The following ENAH variants were observed in gnomAD, a reference collection of about 807,000 sequenced individuals.
ENAH encodes protein enabled homolog.
Under a neutral mutation model 78.7 loss-of-function variants are expected in ENAH, and 23 were observed. The observed-to-expected ratio is 0.29, with a 90% CI of 0.21 to 0.41. The LOEUF is 0.41. Ranked by LOEUF, ENAH falls within the 10% of genes least tolerant of loss-of-function variation. The probability of loss-of-function intolerance (pLI) is 1.00; values close to 1 mark genes in which losing one functional copy is unlikely to be tolerated. For synonymous variants in ENAH, 226 were observed against 241.0 expected (o/e 0.94, Z 0.58); for missense variants, 544 against 691.0 (o/e 0.79, Z 2.39).
chr1:225,509,162 T>A (rs1429363355), intron 10 of ENAH, among the ~76,000 whole-genome samples: 1 of 151,940 alleles, frequency 6.6e-6, no homozygotes, highest in Non-Finnish European at 1.5e-5. Flanking sequence ...ACCAGGAAGA[T>A]CAAATAATCG....
intron 11 of ENAH, among the ~76,000 whole-genome samples, chr1:225,504,649 T>C (rs2096311622): frequency 6.6e-6 from 1 of 152,218 alleles, no homozygotes; most frequent in African/African-American, 2.4e-5. Context: ...TATTAGTCCA[T>C]GTTCCAGTAA....
intron 3 of ENAH, among the ~76,000 whole-genome samples, chr1:225,547,893 A>G: frequency 6.6e-6 from 1 of 152,166 alleles, no homozygotes; most frequent in East Asian, 1.9e-4. Context: ...TCCAGTGAGA[A>G]GGCGGCTCGT....
At chr1:225,565,139 T>C (rs1172492502) in intron 2 of ENAH, among the ~76,000 whole-genome samples, 1 of 152,216 alleles carries the variant, frequency 6.6e-6, no homozygotes, top group African/African-American at 2.4e-5. Context: ...ATTTCCTAGC[T>C]TAAATTTCTT....
At chr1:225,534,156 A>C (rs2096550672) in intron 3 of ENAH, among the ~76,000 whole-genome samples, 1 of 152,130 alleles carries the variant, frequency 6.6e-6, no homozygotes, top group Admixed American at 6.6e-5. Context: ...AGTCCTAATA[A>C]CACAAATATC....
intron 1 of ENAH, among the ~76,000 whole-genome samples, chr1:225,625,040 T>G (rs905631840): frequency 6.8e-6 from 1 of 147,108 alleles, no homozygotes; most frequent in Non-Finnish European, 1.5e-5. Context: ...TGTTCGGAAT[T>G]CCAGTGTCCC....
At chr1:225,625,598 C>T (rs1558928863) in intron 1 of ENAH, among the ~76,000 whole-genome samples, 1 of 152,156 alleles carries the variant, frequency 6.6e-6, no homozygotes, top group Non-Finnish European at 1.5e-5. Flanking sequence ...TCTCAGCTCA[C>T]CCCAACCTCC....
chr1:225,595,035 T>C (rs1315521337), intron 1 of ENAH, among the ~76,000 whole-genome samples: 1 of 152,190 alleles, frequency 6.6e-6, no homozygotes, highest in African/African-American at 2.4e-5. Context: ...ATCTAAGTAT[T>C]TAGGTAAATT....
intron 1 of ENAH, among the ~76,000 whole-genome samples, chr1:225,642,333 C>T (rs1295931767): frequency 6.6e-6 from 1 of 152,032 alleles, no homozygotes; most frequent in Non-Finnish European, 1.5e-5. Context: ...GACCATATGA[C>T]TTGTTTTGGC....
At chr1:225,503,558 G>A (rs1380671256) in intron 11 of ENAH, among the ~76,000 whole-genome samples, 2 of 148,692 alleles carry the variant, frequency 1.3e-5, no homozygotes, top group African/African-American at 5.0e-5. Flanking sequence ...TTATAGGCAT[G>A]AGCCATGGCA....
At chr1:225,571,655 C>A (rs2096763201) in intron 1 of ENAH, among the ~76,000 whole-genome samples, 1 of 152,182 alleles carries the variant, frequency 6.6e-6, no homozygotes, top group African/African-American at 2.4e-5. Flanking sequence ...ACACTTCCCA[C>A]CTCATTACTG....
At chr1:225,581,295 T>C in intron 1 of ENAH, 1 of 984,920 alleles carries the variant, frequency 1.0e-6, no homozygotes, top group Non-Finnish European at 1.2e-6. Flanking sequence ...TTTCATGAAG[T>C]TATATGGCAA....
At position 225,567,101 on chromosome 1, in the gene ENAH, G is replaced by A. The variant is rs2096738594; in HGVS notation, c.171+148C>T. 3.9e-6 allele frequency: 3 copies of A among 777,570 alleles called. No homozygotes were observed. The South Asian group carries it at 6.8e-5, about 18-fold the overall frequency. 48.2% of individuals were successfully genotyped at this position (777,570 alleles called of 1,614,324 possible). On this transcript the variant is annotated intron_variant, in intron 2 of 13. Coordinates refer to ENST00000366843, the MANE Select transcript of ENAH (RefSeq NM_018212.6). ...TTAAGTTCAGGCTTCATAAAAGGTA[G>A]AAAGGGTGGAGAGACAATTTTATAT...
chr1:225,592,613 CTTT>C (rs2096882333), intron 1 of ENAH, among the ~76,000 whole-genome samples: 1 of 152,120 alleles, frequency 6.6e-6, no homozygotes, highest in Non-Finnish European at 1.5e-5. Context: ...CAGAAATTGT[CTTT>C]TGTTATATTT....
rs2096235362 is a variant in ENAH, at chr1:225,493,841, C to T, written c.*3934G>A. 1 of 152,102 alleles carries T rather than the reference C, an allele frequency of 6.6e-6. No individual in the cohort carries two copies. The highest frequency in any genetic ancestry group is 1.5e-5 in the Non-Finnish European group (1 of 67,996). The allele number at this position is 152,102 out of a possible 1,614,324, so 9.4% of individuals were successfully genotyped here. A position where few individuals can be genotyped will look rare whatever the true frequency, so the allele number is the denominator to read the frequency against. On this transcript the variant is annotated 3_prime_UTR_variant, in exon 14 of 14. Transcript: ENST00000366843. ...AGACCTTGTAGCATACCTTTGCACA[C>T]TGTGCTTCATAGGGTAATACTACTT...
intron 3 of ENAH, among the ~76,000 whole-genome samples, chr1:225,550,850 G>A (rs1222082701): frequency 6.6e-6 from 1 of 152,112 alleles, no homozygotes; most frequent in Admixed American, 6.5e-5. Context: ...AACAAAAGCA[G>A]TGGGATAATC....
At chr1:225,639,549 T>C (rs915032259) in intron 1 of ENAH, among the ~76,000 whole-genome samples, 4 of 152,086 alleles carry the variant, frequency 2.6e-5, no homozygotes, top group African/African-American at 9.7e-5. Flanking sequence ...CCTTCCACCA[T>C]GTTATGAGAC....
chr1:225,520,813 A>C (rs527849918), intron 4 of ENAH, among the ~76,000 whole-genome samples: 1 of 152,044 alleles, frequency 6.6e-6, no homozygotes, highest in Admixed American at 6.6e-5. Context: ...ATAAGATTGC[A>C]TCATCACACA....
intron 5 of ENAH, chr1:225,518,113 T>A (rs1442285004): frequency 3.8e-6 from 3 of 786,798 alleles, no homozygotes; most frequent in African/African-American, 1.7e-5. Flanking sequence ...ACAGTTAGTA[T>A]CAGAGAATTA....
At chr1:225,564,905 C>A (rs2096727225) in intron 2 of ENAH, among the ~76,000 whole-genome samples, 1 of 151,854 alleles carries the variant, frequency 6.6e-6, no homozygotes, top group Non-Finnish European at 1.5e-5. Flanking sequence ...CTAAGGACAG[C>A]TTAGATGTCC....
Sources: allele counts gnomAD v4.1 joint callset (sites outside exome capture counted in the v4.1 genomes callset), GRCh38; gene constraint gnomAD v4.1.1; transcripts MANE v1.5; gene names NCBI Gene and HGNC (gene_info 2026-07-23, HGNC 2026-07-21).